SERINC5: variants seen among roughly 807,000 people sequenced by gnomAD.
SERINC5 encodes the protein serine incorporator 5.
Under a neutral mutation model 63.1 loss-of-function variants are expected in SERINC5, and 41 were observed. The ratio of observed to expected loss-of-function variants is 0.65; its 90% CI spans 0.51 to 0.84. The LOEUF (loss-of-function observed/expected upper bound fraction) is 0.84. Ranked by LOEUF, SERINC5 falls within the 40% of genes least tolerant of loss-of-function variation. The pLI is 0.00. For synonymous variants in SERINC5, 222 were observed against 215.2 expected (o/e 1.03, Z -0.28); for missense variants, 523 against 573.0 (o/e 0.91, Z 0.89).
At chr5:80,224,489 AAC>A (rs1430232073) in intron 1 of SERINC5, among the ~76,000 whole-genome samples, 1 of 152,196 alleles carries the variant, frequency 6.6e-6, no homozygotes, top group Non-Finnish European at 1.5e-5. Flanking sequence ...AAGAAAAAAA[AAC>A]AGTCATGTTT....
At chr5:80,239,937 G>A (rs972692270) in intron 1 of SERINC5, among the ~76,000 whole-genome samples, 17 of 152,204 alleles carry the variant, frequency 1.1e-4, no homozygotes, top group Non-Finnish European at 2.4e-4. Flanking sequence ...TCCAAAGGAA[G>A]TCAGTGGGGC....
At chr5:80,112,831 G>A (rs966035698) in intron 12 of SERINC5, among the ~76,000 whole-genome samples, 1 of 152,122 alleles carries the variant, frequency 6.6e-6, no homozygotes, top group Non-Finnish European at 1.5e-5. Context: ...GGGCATGGTG[G>A]TGCACACCTG....
intron 2 of SERINC5, among the ~76,000 whole-genome samples, chr5:80,192,774 G>A (rs1200048436): frequency 1.3e-5 from 2 of 152,132 alleles, no homozygotes; most frequent in East Asian, 3.8e-4. Flanking sequence ...GCCCTGATGA[G>A]GAGGCAAAAA....
At chr5:80,211,737 T>A (rs1418843868) in intron 1 of SERINC5, among the ~76,000 whole-genome samples, 1 of 152,250 alleles carries the variant, frequency 6.6e-6, no homozygotes, top group Admixed American at 6.5e-5. Context: ...TAAGCATCAC[T>A]CTATTGCTGC....
At chr5:80,221,792 C>A (rs369075937) in intron 1 of SERINC5, among the ~76,000 whole-genome samples, 92 of 137,182 alleles carry the variant, frequency 6.7e-4, no homozygotes, top group Non-Finnish European at 6.9e-4. Context: ...ACAACTTTAG[C>A]AAAAAAAAAA....
chr5:80,140,245 T>TGCCATGA lies in SERINC5; in HGVS notation c.*3411_*3417dup, dbSNP rs1385516594. ...GTCCTTGAGCCCAGGAGGTCAAGCC[T>TGCCATGA]GCCATGAGTCAAGATCATGTCACTG... On this transcript the variant is annotated 3_prime_UTR_variant, in exon 12 of 12. Transcript: ENST00000507668. 1.1e-6 allele frequency: 1 copy of TGCCATGA among 888,670 alleles called. No individual in the cohort carries two copies. Among genetic ancestry groups the TGCCATGA allele is most frequent in the East Asian group, 1.3e-4 (1 of 7,496 alleles). The allele number at this position is 888,670 out of a possible 1,614,324, so 55.0% of individuals were successfully genotyped here. A position where few individuals can be genotyped will look rare whatever the true frequency, so the allele number is the denominator to read the frequency against.
intron 6 of SERINC5, among the ~76,000 whole-genome samples, 187 bp downstream of exon 6, chr5:80,169,148 C>T (rs1747486713): frequency 6.6e-6 from 1 of 152,188 alleles, no homozygotes; most frequent in African/African-American, 2.4e-5. Context: ...AAATGCTTGG[C>T]TATCACAGCT....
chr5:80,137,139 C>CAAAAAAAAAAAAAAAAAAAAAA (rs869035894), downstream of SERINC5, among the ~76,000 whole-genome samples: 5 of 67,740 alleles, frequency 7.4e-5, no homozygotes, highest in Admixed American at 3.6e-4. Context: ...GACCCTGTCT[C>CAAAAAAAAAAAAAAAAAAAAAA]AAAAAAAAAA....
chr5:80,126,509 TAACA>T (rs745969320), intron 11 of SERINC5, among the ~76,000 whole-genome samples: 5 of 152,232 alleles, frequency 3.3e-5, no homozygotes, highest in African/African-American at 4.8e-5. Context: ...CTTATTTCTT[TAACA>T]AACACACTCC....
chr5:80,225,834 G>A (rs190877285), intron 1 of SERINC5, among the ~76,000 whole-genome samples: 12 of 152,258 alleles, frequency 7.9e-5, no homozygotes, highest in Admixed American at 5.9e-4. Context: ...TTTGCAGCAC[G>A]TTCAACAATT....
chr5:80,215,581 T>C (rs1750625265), intron 1 of SERINC5, among the ~76,000 whole-genome samples: 1 of 152,220 alleles, frequency 6.6e-6, no homozygotes, highest in Admixed American at 6.5e-5. Flanking sequence ...TCTTAAATTT[T>C]ATTTTGAGTT....
Position 80,255,901 on chromosome 5 carries a change from C to T in SERINC5, c.22G>A (p.Gly8Ser), listed in dbSNP as rs767348313. 23 of 1,586,596 alleles carry T rather than the reference C, an allele frequency of 1.4e-5. No individual in the cohort carries two copies. The South Asian group carries it at 2.6e-4, about 18-fold the overall frequency. ...CTGCGCCCGGCCTCGCTCACCTGGC[C>T]CGCACAGCACTGAGCTGACATCGCG... is the stretch of plus-strand genomic sequence containing the variant. MSAQCCA[G>S]QLACCCGSAG... is the part of the protein sequence containing the mutation. Residue 8 changes from glycine (G) to serine (S), a missense_variant, in exon 1 of 12, where the codon GGC (glycine) becomes AGC (serine). Coordinates refer to ENST00000507668, the MANE Select transcript of SERINC5 (RefSeq NM_001174072.3).
intron 2 of SERINC5, among the ~76,000 whole-genome samples, chr5:80,184,705 C>T (rs1179832489): frequency 6.6e-6 from 1 of 152,096 alleles, no homozygotes; most frequent in Non-Finnish European, 1.5e-5. Flanking sequence ...GGAATTTGCT[C>T]CGATTAAATA....
intron 7 of SERINC5, among the ~76,000 whole-genome samples, chr5:80,160,033 T>C (rs1746784401): frequency 6.6e-6 from 1 of 152,180 alleles, no homozygotes; most frequent in African/African-American, 2.4e-5. Context: ...AAGGGGTAAC[T>C]GTGGGAGCCC....
chr5:80,140,382 G>A lies in SERINC5; in HGVS notation c.*3281C>T, dbSNP rs762604085. ...GGGGACAGGAAATTAACATTACACT[G>A]AGGTTATTCATAATAAAGGATCTTC... is the stretch of plus-strand genomic sequence containing the variant. On this transcript the variant is annotated 3_prime_UTR_variant, in exon 12 of 12. Coordinates refer to ENST00000507668, the MANE Select transcript of SERINC5 (RefSeq NM_001174072.3). 33 of 974,690 alleles carry A rather than the reference G, an allele frequency of 3.4e-5. No individual in the cohort carries two copies. Among genetic ancestry groups the A allele is most frequent in the Non-Finnish European group, 3.9e-5 (32 of 823,432 alleles). 60.4% of individuals were successfully genotyped at this position (974,690 alleles called of 1,614,324 possible).
intron 1 of SERINC5, among the ~76,000 whole-genome samples, chr5:80,225,725 A>T (rs2112550534): frequency 6.6e-6 from 1 of 152,222 alleles, no homozygotes; most frequent in Middle Eastern, 3.4e-3. Flanking sequence ...TGTAATATGC[A>T]CTCACACATG....
intron 1 of SERINC5, among the ~76,000 whole-genome samples, chr5:80,230,118 G>T (rs928195541): frequency 3.3e-5 from 5 of 152,102 alleles, no homozygotes; most frequent in Non-Finnish European, 7.4e-5. Context: ...GGCTCAGCCT[G>T]CTCCAGGAGC....
intron 2 of SERINC5, among the ~76,000 whole-genome samples, chr5:80,201,627 C>G (rs940125981): frequency 6.6e-6 from 1 of 152,198 alleles, no homozygotes; most frequent in Non-Finnish European, 1.5e-5. Context: ...AGTGTTATTT[C>G]TTGGGCTCTC....
intron 7 of SERINC5, among the ~76,000 whole-genome samples, chr5:80,163,065 A>C (rs1243306500): frequency 2.6e-5 from 4 of 151,446 alleles, no homozygotes; most frequent in Admixed American, 2.6e-4. Context: ...ATGTTGGCCA[A>C]GCTGGTCTCA....
Sources: gnomAD v4.1 joint callset for allele counts (sites outside exome capture counted in the v4.1 genomes callset) on GRCh38, gnomAD v4.1.1 for gene constraint, MANE v1.5 for transcripts, NCBI Gene and HGNC (gene_info 2026-07-23, HGNC 2026-07-21) for gene names.